The following PRKN variants were observed in gnomAD, a reference collection of about 807,000 sequenced individuals.
PRKN encodes E3 ubiquitin-protein ligase parkin.
A neutral mutation model predicts 59.5 loss-of-function variants in PRKN; 56 were observed. The observed-to-expected ratio is 0.94, with a 90% CI of 0.76 to 1.18. The LOEUF is 1.18. PRKN is among the 50% of genes most tolerant of loss of function. The pLI, the probability that PRKN is intolerant of heterozygous loss-of-function variation, is 0.00. For missense variants in PRKN, 657 were observed against 596.4 expected (o/e 1.10, Z -1.06); for synonymous variants, 250 against 222.1 (o/e 1.13, Z -1.12).
At chr6:161,869,582 C>T (rs1213068768) in intron 6 of PRKN, among the ~76,000 whole-genome samples, 1 of 152,034 alleles carries the variant, frequency 6.6e-6, no homozygotes, top group Non-Finnish European at 1.5e-5. Flanking sequence ...ACCTAGAAGC[C>T]ACATCACCCC....
At chr6:161,505,211 G>C (rs944668000) in intron 9 of PRKN, among the ~76,000 whole-genome samples, 19 of 152,078 alleles carry the variant, frequency 1.2e-4, no homozygotes, top group African/African-American at 3.4e-4. Flanking sequence ...TTTAATGATC[G>C]CCATTCTAAC....
intron 1 of PRKN, among the ~76,000 whole-genome samples, chr6:162,687,604 TA>T (rs1297720993): frequency 6.6e-6 from 1 of 152,188 alleles, no homozygotes; most frequent in Non-Finnish European, 1.5e-5. Context: ...GCTATATATC[TA>T]AAAATGAGAG....
intron 2 of PRKN, among the ~76,000 whole-genome samples, chr6:162,314,705 A>T (rs992752691): frequency 6.6e-6 from 1 of 152,184 alleles, no homozygotes; most frequent in Non-Finnish European, 1.5e-5. Context: ...GTTCACTATC[A>T]ACCCAACGAA....
At chr6:161,723,099 T>C (rs1787293386) in intron 7 of PRKN, among the ~76,000 whole-genome samples, 1 of 152,120 alleles carries the variant, frequency 6.6e-6, no homozygotes, top group Admixed American at 6.6e-5. Flanking sequence ...TGAAACCCCA[T>C]CTCTACTAAA....
intron 7 of PRKN, among the ~76,000 whole-genome samples, chr6:161,738,180 C>A (rs1317220644): frequency 6.6e-6 from 1 of 152,098 alleles, no homozygotes; most frequent in Non-Finnish European, 1.5e-5. Context: ...ACTTTCATTT[C>A]TCTGAAAAGT....
intron 9 of PRKN, among the ~76,000 whole-genome samples, chr6:161,540,493 T>G (rs1779579034): frequency 6.6e-6 from 1 of 152,156 alleles, no homozygotes; most frequent in Non-Finnish European, 1.5e-5. Flanking sequence ...AAAAATACAT[T>G]TGAGGCAAAT....
At chr6:162,319,588 C>T (rs1181137611) in intron 2 of PRKN, among the ~76,000 whole-genome samples, 7 of 151,846 alleles carry the variant, frequency 4.6e-5, no homozygotes, top group Admixed American at 6.6e-5. Context: ...AATACAAGTG[C>T]GTAACATTCA....
intron 4 of PRKN, among the ~76,000 whole-genome samples, chr6:162,196,472 C>T (rs1784501701): frequency 6.6e-6 from 1 of 152,148 alleles, no homozygotes; most frequent in Non-Finnish European, 1.5e-5. Context: ...TCTGCATGGA[C>T]CTCAGTGGAT....
chr6:161,382,118 A>AAAAAAAAAAAAAAAAAAT (rs1786018812), intron 10 of PRKN, among the ~76,000 whole-genome samples: 1 of 149,708 alleles, frequency 6.7e-6, no homozygotes, highest in Non-Finnish European at 1.5e-5. Flanking sequence ...TCTCAAAAAA[A>AAAAAAAAAAAAAAAAAAT]AAAAAAAAAA....
chr6:161,880,307 T>A (rs1033456188), intron 6 of PRKN, among the ~76,000 whole-genome samples: 6 of 152,198 alleles, frequency 3.9e-5, no homozygotes, highest in Non-Finnish European at 8.8e-5. Context: ...ATAATAAAAA[T>A]TTCTATTTCT....
chr6:162,062,905 A>C (rs1344279915), intron 4 of PRKN, among the ~76,000 whole-genome samples: 1 of 152,208 alleles, frequency 6.6e-6, no homozygotes, highest in East Asian at 1.9e-4. Flanking sequence ...TATTCTCAAT[A>C]AAGTGGGTAA....
intron 4 of PRKN, among the ~76,000 whole-genome samples, chr6:162,066,936 A>G (rs1468967084): frequency 2.0e-5 from 3 of 152,202 alleles, no homozygotes; most frequent in African/African-American, 7.2e-5. Context: ...ATAGCTGAGC[A>G]TATGACTCCC....
chr6:161,966,575 T>C (rs1780589987), intron 6 of PRKN, among the ~76,000 whole-genome samples: 1 of 152,218 alleles, frequency 6.6e-6, no homozygotes, highest in African/African-American at 2.4e-5. Context: ...GGCAGCTATT[T>C]TGCCTTCAAG....
At chr6:162,232,386 G>A (rs1778460161) in intron 3 of PRKN, among the ~76,000 whole-genome samples, 1 of 152,000 alleles carries the variant, frequency 6.6e-6, no homozygotes, top group African/African-American at 2.4e-5. Context: ...CCAGGAGAAA[G>A]GCGACCTTTC....
intron 3 of PRKN, among the ~76,000 whole-genome samples, chr6:162,242,750 G>C (rs1222774668): frequency 6.6e-6 from 1 of 152,130 alleles, no homozygotes; most frequent in Non-Finnish European, 1.5e-5. Context: ...TACACCTACA[G>C]AGAGGCAGCT....
intron 7 of PRKN, among the ~76,000 whole-genome samples, chr6:161,657,410 T>A (rs1217389206): frequency 1.3e-5 from 2 of 152,220 alleles, no homozygotes; most frequent in Admixed American, 6.5e-5. Flanking sequence ...CCACTGCTCC[T>A]AGGATCCTGC....
At chr6:162,396,018 T>C (rs761633701) in intron 2 of PRKN, among the ~76,000 whole-genome samples, 3 of 152,220 alleles carry the variant, frequency 2.0e-5, no homozygotes, top group Non-Finnish European at 4.4e-5. Context: ...CAGGAATATG[T>C]CATTCATATG....
At chr6:161,722,846 G>C (rs1419041123) in intron 7 of PRKN, among the ~76,000 whole-genome samples, 3 of 151,716 alleles carry the variant, frequency 2.0e-5, no homozygotes, top group Non-Finnish European at 4.4e-5. Context: ...TTTTCTTTTT[G>C]AGGTCATTGG....
chr6:162,527,138 T>G (rs1276078302), intron 1 of PRKN, among the ~76,000 whole-genome samples: 1 of 152,188 alleles, frequency 6.6e-6, no homozygotes, highest in Non-Finnish European at 1.5e-5. Flanking sequence ...GGAGCCAGGG[T>G]GATTGGCTCT....
Sources: allele counts gnomAD v4.1 joint callset (sites outside exome capture counted in the v4.1 genomes callset), GRCh38; gene constraint gnomAD v4.1.1; transcripts MANE v1.5; gene names NCBI Gene and HGNC (gene_info 2026-07-23, HGNC 2026-07-21).